Variants in PSD3 observed in about 807,000 individuals in gnomAD.
PSD3 encodes the protein PH and SEC7 domain-containing protein 3.
In PSD3, 49 loss-of-function variants were observed where a neutral mutation model predicts 105.5. The observed-to-expected ratio is 0.46, with a 90% CI of 0.37 to 0.59. The LOEUF is 0.59. Among genes scored for constraint, PSD3 ranks in the 20% least tolerant of loss-of-function variants. The probability of loss-of-function intolerance (pLI) is 0.00; values close to 1 mark genes in which losing one functional copy is unlikely to be tolerated. For synonymous variants in PSD3, 557 were observed against 457.8 expected (o/e 1.22, Z -2.77); for missense variants, 1,561 against 1,263.8 (o/e 1.24, Z -3.57).
rs575277978 is a variant in PSD3, at chr8:18,884,037, T to TA, written c.131-11305dup. 9.9e-5 allele frequency among the ~76,000 whole-genome samples: 15 copies of TA among 152,276 alleles called. No individual in the cohort carries two copies. The East Asian group carries it at 2.7e-3, about 27-fold the overall frequency. ...ACTTGAAAATTTATAGAAGCAAGCT[T>TA]AAAATCACATTCCCCTCACTTGTCA... On this transcript the variant is annotated intron_variant, in intron 2 of 15. Coordinates refer to ENST00000327040, the MANE Select transcript of PSD3 (RefSeq NM_015310.4).
At chr8:19,083,665 AGCT>A (rs1277682019) in intron 1 of PSD3, among the ~76,000 whole-genome samples, 1 of 150,020 alleles carries the variant, frequency 6.7e-6, no homozygotes, top group Admixed American at 6.6e-5. Flanking sequence ...AAACCTCCAC[AGCT>A]CCCTGGAGCC....
At chr8:18,935,935 C>T (rs950079617) in intron 2 of PSD3, 99 bp downstream of exon 2, 1 of 691,498 alleles carries the variant, frequency 1.4e-6, no homozygotes, top group Non-Finnish European at 2.4e-6. Context: ...GCAGGTTTCA[C>T]AGAGGGAAGA....
chr8:18,720,023 G>T (rs932469824), intron 9 of PSD3, among the ~76,000 whole-genome samples: 3 of 152,048 alleles, frequency 2.0e-5, no homozygotes, highest in African/African-American at 7.2e-5. Context: ...TGCCCTTAAT[G>T]CCCTAAAATG....
At chr8:18,767,057 C>A (rs1807060350) in intron 8 of PSD3, among the ~76,000 whole-genome samples, 1 of 152,146 alleles carries the variant, frequency 6.6e-6, no homozygotes, top group South Asian at 2.1e-4. Flanking sequence ...CAGAAAAGAA[C>A]AAAGGCAGTC....
intron 9 of PSD3, among the ~76,000 whole-genome samples, chr8:18,683,356 G>A (rs1355711025): frequency 6.6e-6 from 1 of 152,150 alleles, no homozygotes; most frequent in Non-Finnish European, 1.5e-5. Flanking sequence ...AAGACCAGGG[G>A]AGGAAAGGAA....
chr8:18,779,734 A>T (rs535788965), intron 8 of PSD3, among the ~76,000 whole-genome samples: 12 of 152,072 alleles, frequency 7.9e-5, no homozygotes, highest in Non-Finnish European at 1.8e-4. Flanking sequence ...TTGTATTTGT[A>T]CAATTTCCAA....
intron 1 of PSD3, among the ~76,000 whole-genome samples, chr8:18,941,530 A>G (rs1319552010): frequency 6.6e-6 from 1 of 152,216 alleles, no homozygotes; most frequent in Non-Finnish European, 1.5e-5. Context: ...GGATGGGACA[A>G]ACAAAATCTC....
At chr8:19,056,928 C>G (rs1828727991) in intron 1 of PSD3, among the ~76,000 whole-genome samples, 2 of 152,182 alleles carry the variant, frequency 1.3e-5, no homozygotes, top group Non-Finnish European at 2.9e-5. Context: ...GGGTGATGAG[C>G]TCAGCTTACA....
At position 18,679,083 on chromosome 8, in the gene PSD3, T is replaced by C. The variant is rs9792239; in HGVS notation, c.2173-23398A>G. Among the ~76,000 whole-genome samples the C allele has an allele frequency of 0.013, 1,631 of 122,766 alleles. 75 individuals are homozygous for C. The East Asian group carries it at 0.16, about 12-fold the overall frequency. The allele number at this position is 122,766 out of a possible 152,430, so 80.5% of individuals were successfully genotyped here. ...ACTAAGAATTTTCTCCATTTTAAAA[T>C]AGGCAGATATCAATGTCCTGTTTGA... On this transcript the variant is annotated intron_variant, in intron 9 of 15. Transcript: ENST00000327040.
intron 4 of PSD3, among the ~76,000 whole-genome samples, chr8:18,806,861 A>C (rs1004935540): frequency 1.3e-5 from 2 of 152,246 alleles, no homozygotes; most frequent in Admixed American, 6.5e-5. Flanking sequence ...TTCTATTATA[A>C]TCATTACAAA....
intron 1 of PSD3, among the ~76,000 whole-genome samples, chr8:18,950,397 T>C (rs889121416): frequency 2.0e-5 from 3 of 152,230 alleles, no homozygotes; most frequent in African/African-American, 7.2e-5. Flanking sequence ...GATTTTGAAA[T>C]GTATAATACA....
At chr8:18,835,852 G>A (rs1814063624) in intron 4 of PSD3, among the ~76,000 whole-genome samples, 1 of 152,222 alleles carries the variant, frequency 6.6e-6, no homozygotes, top group Non-Finnish European at 1.5e-5. Context: ...GAGGAGATGA[G>A]GCCACAGAGC....
chr8:18,550,360 T>C (rs1376551672), intron 15 of PSD3, among the ~76,000 whole-genome samples: 1 of 152,218 alleles, frequency 6.6e-6, no homozygotes, highest in Admixed American at 6.5e-5. Context: ...CAAAATGCAA[T>C]TCCAAATGAC....
chr8:18,764,042 A>T (rs1236901734), intron 9 of PSD3, among the ~76,000 whole-genome samples: 1 of 152,192 alleles, frequency 6.6e-6, no homozygotes, highest in Non-Finnish European at 1.5e-5. Flanking sequence ...TATATTAACC[A>T]TACACGGTTT....
chr8:18,704,749 T>C (rs1801790671), intron 9 of PSD3, among the ~76,000 whole-genome samples: 1 of 152,126 alleles, frequency 6.6e-6, no homozygotes, highest in Non-Finnish European at 1.5e-5. Flanking sequence ...TCCTACAACA[T>C]TCATGTCTTT....
intron 9 of PSD3, among the ~76,000 whole-genome samples, chr8:18,681,188 G>A (rs1199621101): frequency 6.6e-6 from 1 of 152,108 alleles, no homozygotes; most frequent in Admixed American, 6.5e-5. Flanking sequence ...TTTTTTACAG[G>A]TTGGGAAGAT....
intron 9 of PSD3, among the ~76,000 whole-genome samples, chr8:18,708,449 T>C (rs528259345): frequency 1.3e-5 from 2 of 150,180 alleles, no homozygotes; most frequent in Non-Finnish European, 3.0e-5. Context: ...AATTAGAAAA[T>C]TTTTTTTTTC....
intron 1 of PSD3, among the ~76,000 whole-genome samples, chr8:19,038,283 C>T (rs563658714): frequency 5.9e-5 from 9 of 152,212 alleles, no homozygotes; most frequent in African/African-American, 2.2e-4. Context: ...GTTTTATGTT[C>T]CTCTCTTACC....
In PSD3 at chr8:18,534,887, A is replaced by G. The variant is rs996370891; in HGVS notation, c.*856T>C. Reference sequence around the variant, plus strand: ...TGGAAGGATATCAACGATAGAGATGATGGATTTCTAGTCTAGACCCTGTGG... The same window carrying G: ...TGGAAGGATATCAACGATAGAGATGGTGGATTTCTAGTCTAGACCCTGTGG... On this transcript the variant is annotated 3_prime_UTR_variant, in exon 16 of 16. Coordinates refer to ENST00000327040, the MANE Select transcript of PSD3 (RefSeq NM_015310.4). 1.3e-4 allele frequency: 20 copies of G among 152,572 alleles called. No homozygotes were observed. Among genetic ancestry groups the G allele is most frequent in the African/African-American group, 4.6e-4 (19 of 41,398 alleles). The allele number at this position is 152,572 out of a possible 1,614,324, so 9.5% of individuals were successfully genotyped here.
Sources: allele counts gnomAD v4.1 joint callset (sites outside exome capture counted in the v4.1 genomes callset), GRCh38; gene constraint gnomAD v4.1.1; transcripts MANE v1.5; gene names NCBI Gene and HGNC (gene_info 2026-07-23, HGNC 2026-07-21).